Variants in RNLS observed in about 807,000 individuals in gnomAD.
RNLS encodes the protein renalase.
RNLS carries 39 observed loss-of-function variants against 39.8 expected under a neutral mutation model. The ratio of observed to expected loss-of-function variants is 0.98; its 90% CI spans 0.76 to 1.28. The LOEUF is 1.28. Among genes scored for constraint, RNLS ranks in the 50% most tolerant of loss-of-function variants. The pLI, the probability that RNLS is intolerant of heterozygous loss-of-function variation, is 0.00. For missense variants in RNLS, 410 were observed against 413.3 expected (o/e 0.99, Z 0.07); for synonymous variants, 147 against 150.7 (o/e 0.98, Z 0.18).
intron 4 of RNLS, among the ~76,000 whole-genome samples, chr10:88,548,564 G>A (rs1388570383): frequency 1.3e-5 from 2 of 148,924 alleles, no homozygotes; most frequent in East Asian, 2.0e-4. Context: ...GCTTGAACCC[G>A]AGAGGCGGAG....
intron 4 of RNLS, among the ~76,000 whole-genome samples, chr10:88,500,326 T>A (rs1435935059): frequency 1.3e-5 from 2 of 152,144 alleles, no homozygotes; most frequent in African/African-American, 4.8e-5. Flanking sequence ...ACACTGAGAT[T>A]AAGACAAAAG....
chr10:88,474,050 T>G (rs1176885379), intron 4 of RNLS, among the ~76,000 whole-genome samples: 2 of 152,228 alleles, frequency 1.3e-5, no homozygotes, highest in Admixed American at 6.6e-5. Flanking sequence ...CTATCTCCAT[T>G]AAATGTATTA....
At chr10:88,449,818 T>C (rs1259856717) in intron 4 of RNLS, among the ~76,000 whole-genome samples, 1 of 152,130 alleles carries the variant, frequency 6.6e-6, no homozygotes, top group Non-Finnish European at 1.5e-5. Flanking sequence ...TATTGTTCCT[T>C]TTATTAATTT....
chr10:88,582,961 A>G (rs1228110920), intron 1 of RNLS, 112 bp downstream of exon 1: 6 of 1,241,178 alleles, frequency 4.8e-6, no homozygotes, highest in Non-Finnish European at 5.5e-6. Flanking sequence ...CCGCTCAGGG[A>G]GCTGAGGGTA....
At chr10:88,351,823 T>C (rs932790626) in intron 5 of RNLS, among the ~76,000 whole-genome samples, 4 of 152,242 alleles carry the variant, frequency 2.6e-5, no homozygotes, top group African/African-American at 9.6e-5. Context: ...ATATTGATTC[T>C]TCCTATCCAT....
chr10:88,529,135 A>G (rs148025887), intron 4 of RNLS, among the ~76,000 whole-genome samples: 3 of 152,236 alleles, frequency 2.0e-5, no homozygotes, highest in African/African-American at 7.2e-5. Context: ...TCTCTAAAAA[A>G]TCTCCATCCC....
chr10:88,479,835 T>C (rs1288685224), intron 4 of RNLS, among the ~76,000 whole-genome samples: 1 of 151,088 alleles, frequency 6.6e-6, no homozygotes, highest in East Asian at 1.9e-4. Flanking sequence ...AAAGGTATAG[T>C]AGAAAAAAAT....
intron 4 of RNLS, among the ~76,000 whole-genome samples, chr10:88,500,012 GA>G (rs1187407495): frequency 6.6e-6 from 1 of 152,118 alleles, no homozygotes; most frequent in East Asian, 1.9e-4. Flanking sequence ...AGAATTCTAA[GA>G]ATGTATGATT....
intron 4 of RNLS, among the ~76,000 whole-genome samples, chr10:88,480,233 A>G (rs542145577): frequency 6.6e-6 from 1 of 152,360 alleles, no homozygotes; most frequent in South Asian, 2.1e-4. Flanking sequence ...TTACCTAGGT[A>G]ATCAATTAAG....
intron 4 of RNLS, among the ~76,000 whole-genome samples, chr10:88,434,061 C>T (rs1306547896): frequency 6.6e-6 from 1 of 152,122 alleles, no homozygotes; most frequent in African/African-American, 2.4e-5. Flanking sequence ...GAGGTTTTCT[C>T]TTTGATACAG....
intron 4 of RNLS, among the ~76,000 whole-genome samples, chr10:88,432,392 C>T (rs1428958202): frequency 6.6e-6 from 1 of 151,710 alleles, no homozygotes; most frequent in East Asian, 1.9e-4. Flanking sequence ...TAGTTATGTC[C>T]TGATTTTAAA....
At chr10:88,310,474 T>C (rs1845277260) in intron 6 of RNLS, among the ~76,000 whole-genome samples, 2 of 151,996 alleles carry the variant, frequency 1.3e-5, no homozygotes, top group Admixed American at 1.3e-4. Context: ...ATAGCTTTCA[T>C]TAGATCCTTT....
chr10:88,504,745 A>G (rs1313627289), intron 4 of RNLS, among the ~76,000 whole-genome samples: 1 of 151,762 alleles, frequency 6.6e-6, no homozygotes, highest in South Asian at 2.1e-4. Flanking sequence ...AAGAAAATCT[A>G]ATTTTCTCAG....
chr10:88,284,700 G>A lies in RNLS; in HGVS notation c.*654C>T, dbSNP rs926804036. 5.1e-6 allele frequency: 5 copies of A among 985,166 alleles called. No individual in the cohort carries two copies. In the African/African-American group the frequency reaches 8.7e-5, roughly 17 times the overall value. The allele number at this position is 985,166 out of a possible 1,614,324, so 61.0% of individuals were successfully genotyped here. A position where few individuals can be genotyped will look rare whatever the true frequency, so the allele number is the denominator to read the frequency against. ...TTCATATTAGGACTGGAATTTGTTT[G>A]AAAGTTAAAAAGTACTGTGTGGCTG... On this transcript the variant is annotated 3_prime_UTR_variant, in exon 7 of 7. Coordinates refer to ENST00000331772, the MANE Select transcript of RNLS (RefSeq NM_001031709.3).
At chr10:88,245,279 G>C in the RNLS span, among the ~76,000 whole-genome samples, 1 of 152,178 alleles carries the variant, frequency 6.6e-6, no homozygotes. Context: ...TTTATGGTGT[G>C]ATTGCCCAGC....
intron 4 of RNLS, among the ~76,000 whole-genome samples, chr10:88,570,772 T>G (rs2134435584): frequency 6.6e-6 from 1 of 152,300 alleles, no homozygotes; most frequent in Non-Finnish European, 1.5e-5. Flanking sequence ...GCTAGGGCTT[T>G]TTATATAATT....
intron 4 of RNLS, among the ~76,000 whole-genome samples, chr10:88,447,754 AC>A (rs1842127907): frequency 6.6e-6 from 1 of 152,224 alleles, no homozygotes; most frequent in Non-Finnish European, 1.5e-5. Context: ...CTGACTTCAA[AC>A]TAAACTACAA....
the RNLS span, among the ~76,000 whole-genome samples, chr10:88,191,248 A>G: frequency 6.6e-6 from 1 of 152,114 alleles, no homozygotes; most frequent in East Asian, 1.9e-4. Context: ...CGCATTGTAT[A>G]GGGTGTCTAC....
At chr10:88,385,684 T>G (rs976957442) in intron 4 of RNLS, among the ~76,000 whole-genome samples, 22 of 152,172 alleles carry the variant, frequency 1.4e-4, no homozygotes, top group African/African-American at 5.3e-4. Context: ...GTGCAGAGGT[T>G]GCTGGGAAAA....
Sources: gnomAD v4.1 joint callset for allele counts (sites outside exome capture counted in the v4.1 genomes callset) on GRCh38, gnomAD v4.1.1 for gene constraint, MANE v1.5 for transcripts, NCBI Gene and HGNC (gene_info 2026-07-23, HGNC 2026-07-21) for gene names.